The following PCTP variants were observed in gnomAD, a reference collection of about 807,000 sequenced individuals.
The protein encoded by PCTP is START domain-containing protein 2.
A neutral mutation model predicts 31.0 loss-of-function variants in PCTP; 27 were observed. The observed-to-expected ratio is 0.87, with a 90% CI of 0.64 to 1.20. The LOEUF is 1.20. Ranked by LOEUF, PCTP falls within the 50% of genes most tolerant of loss-of-function variation. PCTP has a pLI of 0.00. For missense variants in PCTP, 287 were observed against 268.2 expected, an observed-to-expected ratio of 1.07 and a Z score of -0.49; for synonymous variants, 108 against 101.2, an observed-to-expected ratio of 1.07 and a Z score of -0.40.
chr17:55,842,022 A>G (rs1446935929), intron 5 of PCTP, among the ~76,000 whole-genome samples: 1 of 152,208 alleles, frequency 6.6e-6, no homozygotes, highest in Non-Finnish European at 1.5e-5. Flanking sequence ...ATATTCAGAA[A>G]ACATTTACTG....
At chr17:55,786,663 A>T (rs1911758604) in intron 2 of PCTP, among the ~76,000 whole-genome samples, 1 of 152,136 alleles carries the variant, frequency 6.6e-6, no homozygotes, top group African/African-American at 2.4e-5. Flanking sequence ...CTTTGGGTGT[A>T]AGTTCTATTT....
chr17:55,756,264 G>A lies in PCTP; in HGVS notation c.141+5020G>A, dbSNP rs565962690. On this transcript the variant is annotated intron_variant, in intron 1 of 5. Coordinates refer to ENST00000268896, the MANE Select transcript of PCTP (RefSeq NM_021213.4). Reference sequence around the variant, plus strand: ...ATTCATTGATGAGAATAAGCCCATAGTATATGATGAAATGTCCAGTGGAAA... The same window carrying A: ...ATTCATTGATGAGAATAAGCCCATAATATATGATGAAATGTCCAGTGGAAA... Among the ~76,000 whole-genome samples, 6 of 152,304 alleles carry A rather than the reference G, an allele frequency of 3.9e-5. No individual in the cohort carries two copies. The South Asian group carries it at 8.3e-4, about 21-fold the overall frequency.
chr17:55,824,358 A>G (rs1439017961), downstream of PCTP, among the ~76,000 whole-genome samples: 1 of 152,142 alleles, frequency 6.6e-6, no homozygotes, highest in Non-Finnish European at 1.5e-5. Flanking sequence ...GAAGATGGAA[A>G]CAGGTACAGC....
intron 1 of PCTP, among the ~76,000 whole-genome samples, chr17:55,766,989 G>C (rs1910699226): frequency 6.6e-6 from 1 of 152,160 alleles, no homozygotes; most frequent in African/African-American, 2.4e-5. Flanking sequence ...TTGTGGTTTT[G>C]ATTTGCATTT....
intron 3 of PCTP, among the ~76,000 whole-genome samples, chr17:55,790,393 A>G (rs188721721): frequency 2.0e-3 from 309 of 152,172 alleles, no homozygotes; most frequent in Non-Finnish European, 3.6e-3. Flanking sequence ...ATGATTGTAT[A>G]TCTAGAAAAC....
intron 5 of PCTP, chr17:55,775,781 A>G: frequency 2.4e-6 from 3 of 1,266,042 alleles, no homozygotes; most frequent in Non-Finnish European, 3.0e-6. Flanking sequence ...TTTCAGAAAC[A>G]TCTTCGCTTT....
intron 1 of PCTP, among the ~76,000 whole-genome samples, chr17:55,761,195 A>G (rs1910323246): frequency 1.3e-5 from 2 of 152,200 alleles, no homozygotes; most frequent in Admixed American, 6.6e-5. Flanking sequence ...TTCCCTATCT[A>G]CATCACAGGG....
chr17:55,795,823 T>C (rs534570599), intron 3 of PCTP, among the ~76,000 whole-genome samples: 1 of 152,244 alleles, frequency 6.6e-6, no homozygotes, highest in Non-Finnish European at 1.5e-5. Context: ...TTGTTTATTC[T>C]GTCAGTAAAT....
At chr17:55,790,960 T>C (rs532268456) in intron 3 of PCTP, among the ~76,000 whole-genome samples, 5,130 of 149,886 alleles carry the variant, frequency 0.034, 311 homozygotes, top group African/African-American at 0.12. Flanking sequence ...AACAGAGATA[T>C]AGATCAACGG....
At chr17:55,842,301 G>A (rs1420519720) in intron 5 of PCTP, among the ~76,000 whole-genome samples, 5 of 152,190 alleles carry the variant, frequency 3.3e-5, no homozygotes, top group Admixed American at 6.5e-5. Flanking sequence ...AAGTAGAGGC[G>A]TATATTATCC....
At chr17:55,772,988 G>C (rs145382369) in intron 3 of PCTP, among the ~76,000 whole-genome samples, 38 of 152,296 alleles carry the variant, frequency 2.5e-4, no homozygotes, top group African/African-American at 8.9e-4. Flanking sequence ...ATAAAGGCTC[G>C]ATAAGTAGTG....
intron 1 of PCTP, among the ~76,000 whole-genome samples, chr17:55,763,640 T>C (rs1044095110): frequency 6.6e-6 from 1 of 152,160 alleles, no homozygotes; most frequent in Admixed American, 6.5e-5. Flanking sequence ...TCCCGTTTGA[T>C]AATGTACAGA....
chr17:55,770,507 G>A (rs1910923453), intron 2 of PCTP: 1 of 152,256 alleles, frequency 6.6e-6, no homozygotes, highest in East Asian at 1.9e-4. Flanking sequence ...TTTGATGTCT[G>A]ATTTTGTTTC....
intron 1 of PCTP, among the ~76,000 whole-genome samples, chr17:55,765,467 G>T (rs1910587428): frequency 6.6e-6 from 1 of 151,952 alleles, no homozygotes; most frequent in Non-Finnish European, 1.5e-5. Context: ...CTTTCCCCAG[G>T]ATCTATCAGG....
chr17:55,789,332 G>A (rs772153715), intron 3 of PCTP, among the ~76,000 whole-genome samples: 1 of 152,104 alleles, frequency 6.6e-6, no homozygotes, highest in Non-Finnish European at 1.5e-5. Context: ...AGCAAATATG[G>A]TATCAGAAGA....
At chr17:55,770,377 C>G (rs1004114312) in intron 2 of PCTP, 1 of 152,176 alleles carries the variant, frequency 6.6e-6, no homozygotes, top group Non-Finnish European at 1.5e-5. Context: ...TGACTCCGTT[C>G]CAGGTTAGCT....
chr17:55,800,300 T>C (rs8069955), intron 3 of PCTP, among the ~76,000 whole-genome samples: 56,793 of 151,486 alleles, frequency 0.37, 16,490 homozygotes, highest in African/African-American at 0.82. Context: ...GTAATCTTGG[T>C]TTCAAACTTT....
At chr17:55,784,381 A>C (rs1044522657) in intron 2 of PCTP, among the ~76,000 whole-genome samples, 12 of 152,124 alleles carry the variant, frequency 7.9e-5, no homozygotes, top group Non-Finnish European at 1.6e-4. Context: ...TTCCCATCCC[A>C]ACTTTTTGTT....
chr17:55,816,869 G>A (rs1166782066), intron 3 of PCTP, among the ~76,000 whole-genome samples: 1 of 152,170 alleles, frequency 6.6e-6, no homozygotes, highest in Non-Finnish European at 1.5e-5. Flanking sequence ...TTTGCTAAAT[G>A]TTGTCTTTAT....
Sources: gnomAD v4.1 joint callset for allele counts (sites outside exome capture counted in the v4.1 genomes callset) on GRCh38, gnomAD v4.1.1 for gene constraint, MANE v1.5 for transcripts, NCBI Gene and HGNC (gene_info 2026-07-23, HGNC 2026-07-21) for gene names.